UGT1A5: variants seen among roughly 807,000 people sequenced by gnomAD.
The protein encoded by UGT1A5 is UDP glucuronosyltransferase family 1 member A5.
A neutral mutation model predicts 40.3 loss-of-function variants in UGT1A5; 29 were observed. The observed-to-expected ratio is 0.72, with a 90% confidence interval of 0.54 to 0.98. UGT1A5 has a LOEUF of 0.98. Ranked by LOEUF, UGT1A5 falls within the 50% of genes least tolerant of loss-of-function variation. The pLI is 0.00. For synonymous variants in UGT1A5, 257 were observed against 262.5 expected, an observed-to-expected ratio of 0.98 and a Z score of 0.20; for missense variants, 678 against 677.9, an observed-to-expected ratio of 1.00 and a Z score of 0.00.
intron 1 of UGT1A5, among the ~76,000 whole-genome samples, chr2:233,730,472 G>T (rs2078038182): frequency 6.6e-6 from 1 of 152,162 alleles, no homozygotes; most frequent in South Asian, 2.1e-4. Context: ...GGAGACCTAG[G>T]CACTCACATG....
chr2:233,733,678 C>G (rs2078428487), intron 1 of UGT1A5, among the ~76,000 whole-genome samples: 1 of 152,188 alleles, frequency 6.6e-6, no homozygotes, highest in Non-Finnish European at 1.5e-5. Flanking sequence ...TGTGGATAAA[C>G]TTTTTGATGT....
chr2:233,729,302 T>A, intron 1 of UGT1A5: 1 of 1,614,250 alleles, frequency 6.2e-7, no homozygotes, highest in Non-Finnish European at 8.5e-7. Context: ...CACCAGGCAG[T>A]GGTCCTCACC....
At chr2:233,758,753 G>A (rs1048074282) in intron 1 of UGT1A5, among the ~76,000 whole-genome samples, 17 of 152,318 alleles carry the variant, frequency 1.1e-4, no homozygotes, top group Middle Eastern at 6.8e-3. Flanking sequence ...GCTGGCCAGT[G>A]ATGTGTATGG....
intron 1 of UGT1A5, chr2:233,729,751 C>G (rs1485305910): frequency 6.2e-7 from 1 of 1,614,002 alleles, no homozygotes; most frequent in Middle Eastern, 1.7e-4. Flanking sequence ...GACATTCATG[C>G]AAAGGGTCAA....
Position 233,769,857 on chromosome 2 carries a change from C to CTAA in UGT1A5, c.1307+1418_1307+1419insTAA. Reference sequence around the variant, plus strand: ...TGGGCAACAGAGTGAGACCCTGTCTCAAAAAAAAAAAAAAAAATGAAAAGT... The same window carrying CTAA: ...TGGGCAACAGAGTGAGACCCTGTCTCTAAAAAAAAAAAAAAAAAAATGAAAAGT... On this transcript the variant is annotated intron_variant, in intron 4 of 4. Coordinates refer to ENST00000373414, the MANE Select transcript of UGT1A5 (RefSeq NM_019078.2). This position sits in a 1 kb window ranked among gnomAD's most constrained non-coding sequence, Gnocchi z 4.4. 4.5e-6 allele frequency: 1 copy of CTAA among 223,668 alleles called. No homozygotes were observed. Among genetic ancestry groups the CTAA allele is most frequent in the Non-Finnish European group, 8.0e-6 (1 of 125,120 alleles). The allele number at this position is 223,668 out of a possible 1,614,324, so 13.9% of individuals were successfully genotyped here.
At chr2:233,747,990 G>C in intron 1 of UGT1A5, 1 of 1,613,472 alleles carries the variant, frequency 6.2e-7, no homozygotes, top group Non-Finnish European at 8.5e-7. Flanking sequence ...GTTCCGAGGG[G>C]ACTTTGTGAT....
At chr2:233,728,122 T>C (rs534141246) in intron 1 of UGT1A5, among the ~76,000 whole-genome samples, 2 of 152,362 alleles carry the variant, frequency 1.3e-5, no homozygotes, top group Non-Finnish European at 2.9e-5. Context: ...TCTTGAAATT[T>C]GGACTAGGGC....
intron 1 of UGT1A5, chr2:233,741,484 T>C (rs1691677758): frequency 6.6e-6 from 1 of 151,932 alleles, no homozygotes. Flanking sequence ...CCTCGTCTGA[T>C]GTACAAAAAA....
intron 1 of UGT1A5, among the ~76,000 whole-genome samples, chr2:233,720,042 G>A (rs1048137470): frequency 2.6e-5 from 4 of 152,186 alleles, no homozygotes; most frequent in Non-Finnish European, 5.9e-5. Flanking sequence ...CTGATTTTCA[G>A]CTGAACGGTG....
intron 1 of UGT1A5, chr2:233,754,742 G>A: frequency 1.4e-6 from 1 of 717,428 alleles, no homozygotes; most frequent in Non-Finnish European, 2.2e-6. Context: ...CGTAGGACAT[G>A]CAGAAGGAAG....
At chr2:233,717,267 T>C (rs1350821692) in intron 1 of UGT1A5, among the ~76,000 whole-genome samples, 1 of 152,078 alleles carries the variant, frequency 6.6e-6, no homozygotes, top group African/African-American at 2.4e-5. Context: ...GGAGGAATAG[T>C]TGAGAAGCTG....
At chr2:233,720,819 C>T (rs2076894500) in intron 1 of UGT1A5, among the ~76,000 whole-genome samples, 2 of 151,784 alleles carry the variant, frequency 1.3e-5, no homozygotes, top group African/African-American at 4.8e-5. Flanking sequence ...AATTCTCCCA[C>T]CTCAGTCTCC....
At chr2:233,716,512 C>T (rs1056007201) in intron 1 of UGT1A5, among the ~76,000 whole-genome samples, 3 of 152,196 alleles carry the variant, frequency 2.0e-5, no homozygotes, top group Non-Finnish European at 4.4e-5. Flanking sequence ...TCAGAGCTCT[C>T]AGCTTACCAT....
intron 1 of UGT1A5, chr2:233,755,019 T>C (rs1378423497): frequency 1.5e-6 from 2 of 1,304,298 alleles, no homozygotes; most frequent in South Asian, 2.3e-5. Flanking sequence ...GAAGGGGTCC[T>C]TGAAGGGCCT....
At chr2:233,743,832 T>G (rs569722093) in intron 1 of UGT1A5, 26 of 1,367,252 alleles carry the variant, frequency 1.9e-5, no homozygotes, top group South Asian at 9.1e-5. Context: ...GGGTGCCACT[T>G]GAGCGCCAGC....
At chr2:233,721,695 A>G (rs928458069) in intron 1 of UGT1A5, 3 of 356,024 alleles carry the variant, frequency 8.4e-6, no homozygotes, top group African/African-American at 6.4e-5. Context: ...TGCAAGACGC[A>G]TGGCTCATCT....
intron 1 of UGT1A5, chr2:233,747,412 T>C: frequency 6.2e-7 from 1 of 1,607,344 alleles, no homozygotes; most frequent in East Asian, 2.2e-5. Context: ...GAGGTGAATA[T>C]GCACATCAAA....
intron 1 of UGT1A5, among the ~76,000 whole-genome samples, chr2:233,741,230 C>T (rs1691594926): frequency 6.6e-6 from 1 of 151,876 alleles, no homozygotes; most frequent in Non-Finnish European, 1.5e-5. Flanking sequence ...AGACCCACTA[C>T]CTCTGAGTGA....
chr2:233,717,430 C>T (rs528668664), intron 1 of UGT1A5, among the ~76,000 whole-genome samples: 2 of 152,364 alleles, frequency 1.3e-5, no homozygotes, highest in African/African-American at 4.8e-5. Flanking sequence ...GGGTGTCCCT[C>T]TGATGGACGC....
Sources: gnomAD v4.1 joint callset for allele counts (sites outside exome capture counted in the v4.1 genomes callset) on GRCh38, gnomAD v4.1.1 for gene constraint, Gnocchi (gnomAD v3.1) non-coding constraint, MANE v1.5 for transcripts, NCBI Gene and HGNC (gene_info 2026-07-23, HGNC 2026-07-21) for gene names.